The following MKNK2 variants were observed in gnomAD, a reference collection of about 807,000 sequenced individuals.
MKNK2 encodes the protein MAPK interacting serine/threonine kinase 2.
Under a neutral mutation model 55.0 loss-of-function variants are expected in MKNK2, and 54 were observed. That is an observed-to-expected ratio of 0.98 (90% confidence interval 0.79 to 1.23). The LOEUF is 1.23. Ranked by LOEUF, MKNK2 falls within the 50% of genes most tolerant of loss-of-function variation. The pLI, the probability that MKNK2 is intolerant of heterozygous loss-of-function variation, is 0.00. For missense variants in MKNK2, 685 were observed against 632.1 expected, an observed-to-expected ratio of 1.08 and a Z score of -0.90; for synonymous variants, 323 against 256.0, an observed-to-expected ratio of 1.26 and a Z score of -2.50.
chr19:2,050,126 C>G (rs578203727), intron 2 of MKNK2, among the ~76,000 whole-genome samples: 20 of 152,324 alleles, frequency 1.3e-4, no homozygotes, highest in African/African-American at 4.6e-4. Context: ...CCCCTTCCCC[C>G]CCAAGATTTG....
At position 2,037,783 on chromosome 19, in the gene MKNK2, C is replaced by A. The variant is rs544764852; in HGVS notation, c.*1830G>T. ...GTTCTGACCAGTCCTCCAGGTCGCA[C>A]GTGGATGCGACAGGGGTGGGGAGGG... On this transcript the variant is annotated 3_prime_UTR_variant, in exon 14 of 14. Coordinates refer to ENST00000250896, the MANE Select transcript of MKNK2 (RefSeq NM_199054.3). 6.2e-6 allele frequency: 10 copies of A among 1,604,450 alleles called. No homozygotes were observed. In the East Asian group the frequency reaches 1.8e-4, roughly 29 times the overall value.
At chr19:2,041,404 G>A (rs1368492434) in intron 11 of MKNK2, among the ~76,000 whole-genome samples, 200 bp from the exon 12 acceptor site, 1 of 152,086 alleles carries the variant, frequency 6.6e-6, no homozygotes, top group Non-Finnish European at 1.5e-5. Flanking sequence ...AAGCAGCTCT[G>A]AGGGACCTGG....
intron 11 of MKNK2, among the ~76,000 whole-genome samples, chr19:2,041,601 A>T (rs948073174): frequency 2.0e-5 from 3 of 152,004 alleles, no homozygotes; most frequent in Non-Finnish European, 4.4e-5. Flanking sequence ...TGCCCTGTGG[A>T]TGGCATCAGG....
In MKNK2 at chr19:2,038,717, C is replaced by A; in HGVS notation, c.*896G>T. The A allele has an allele frequency of 1.0e-6, 1 of 985,556 alleles. No individual in the cohort carries two copies. Among genetic ancestry groups the A allele is most frequent in the Non-Finnish European group, 1.2e-6 (1 of 829,982 alleles). 61.1% of individuals were successfully genotyped at this position (985,556 alleles called of 1,614,324 possible). A position where few individuals can be genotyped will look rare whatever the true frequency, so the allele number is the denominator to read the frequency against. ...GGTCAGACTGAGCCCTGAGAAGGGG[C>A]ACTCGGGTGCCCCAAGGGGGTGTCT... On this transcript the variant is annotated 3_prime_UTR_variant, in exon 14 of 14. Transcript: ENST00000250896.
intron 13 of MKNK2, 92 bp from the exon 14 acceptor site, chr19:2,039,948 G>A: frequency 1.4e-6 from 2 of 1,458,328 alleles, no homozygotes; most frequent in Non-Finnish European, 9.3e-7. Context: ...GGGGCTTCAT[G>A]CCCCCCTCCC....
rs142068002 is a variant in MKNK2, at chr19:2,043,129, C to G, written c.488G>C (p.Arg163Pro). 2.5e-6 allele frequency: 4 copies of G among 1,613,310 alleles called. No individual in the cohort carries two copies. In the Admixed American group the frequency reaches 5.0e-5, roughly 20 times the overall value. Reference protein sequence around the residue: ...DRFYLVFEKMRGGSILSHIHK... With the variant: ...DRFYLVFEKMPGGSILSHIHK... ...AGCCTGGAGCCCCCAGGTACCTCCC[C>G]GCATCTTCTCAAACACCAGGTAGAA... is the stretch of plus-strand genomic sequence containing the variant. The change falls in exon 7 of 14, where the codon CGG becomes CCG. Residue 163 changes from arginine to proline, a missense_variant. Coordinates refer to ENST00000250896, the MANE Select transcript of MKNK2 (RefSeq NM_199054.3).
rs775208703 is a variant in MKNK2, at chr19:2,039,815, G to A, written c.1196C>T (p.Ala399Val). 4 of 1,603,564 alleles carry A rather than the reference G, an allele frequency of 2.5e-6. No homozygotes were observed. The Admixed American group carries it at 5.0e-5, about 20-fold the overall frequency. The change falls in exon 14 of 14, where the codon GCC becomes GTC. Residue 399 changes from alanine to valine, a missense_variant. By Grantham distance (64) the Ala-to-Val change is moderately conservative (BLOSUM62 0). Coordinates refer to ENST00000250896, the MANE Select transcript of MKNK2 (RefSeq NM_199054.3). Reference protein sequence around the residue: ...AKDLTSFAAEAIAMNRQLAQH... With the variant: ...AKDLTSFAAEVIAMNRQLAQH... ...GGCCAGCTGCCGGTTCATGGCAATG[G>A]CCTCAGCCGCGAAGGACGTGAGGTC...
intron 12 of MKNK2, 183 bp from the exon 13 acceptor site, chr19:2,040,360 C>T: frequency 1.8e-6 from 1 of 568,230 alleles, no homozygotes; most frequent in Non-Finnish European, 3.1e-6. Context: ...GGTGAGGCTC[C>T]ATGTCCCCCT....
At chr19:2,041,259 G>A in intron 11 of MKNK2, 55 bp from the exon 12 acceptor site, 1 of 1,555,560 alleles carries the variant, frequency 6.4e-7, no homozygotes, top group South Asian at 1.2e-5. Context: ...TGGATACTGT[G>A]CACTGACACG....
chr19:2,039,890 G>T, intron 13 of MKNK2, 34 bp from the exon 14 acceptor site: 1 of 1,573,640 alleles, frequency 6.4e-7, no homozygotes, highest in Non-Finnish European at 8.6e-7. Context: ...TGGTCACCAA[G>T]AGGCACCCCT....
Position 2,050,925 on chromosome 19 carries a change from G to C in MKNK2, c.-74C>G. The C allele has an allele frequency of 2.7e-6, 3 of 1,112,896 alleles. No homozygotes were observed. Among genetic ancestry groups the C allele is most frequent in the South Asian group, 1.5e-5 (1 of 64,660 alleles). The allele number at this position is 1,112,896 out of a possible 1,614,324, so 68.9% of individuals were successfully genotyped here. On this transcript the variant is annotated 5_prime_UTR_variant, in exon 2 of 14. Transcript: ENST00000250896. ...GAGGCCCGAGGGCGGGCGGCCGGGC[G>C]GGGGGCGGCCGAGGAGGGGACCCTG... is the stretch of plus-strand genomic sequence containing the variant.
Position 2,039,205 on chromosome 19 carries a change from G to A in MKNK2, c.*408C>T, listed in dbSNP as rs1167099289. The A allele has an allele frequency of 9.7e-6, 10 of 1,035,234 alleles. No individual in the cohort carries two copies. The highest frequency in any genetic ancestry group is 9.3e-6 in the Non-Finnish European group (8 of 860,146). 64.1% of individuals were successfully genotyped at this position (1,035,234 alleles called of 1,614,324 possible). ...GGGCAGGGTCCTGTGCCCCTCCCCA[G>A]CTCTGCAAGATGGCAAACGCTGTGG... On this transcript the variant is annotated 3_prime_UTR_variant, in exon 14 of 14. Transcript: ENST00000250896.
In MKNK2 at chr19:2,040,135, T is replaced by A. The variant is rs1201741785; in HGVS notation, c.1153A>T (p.Arg385Trp). The A allele has an allele frequency of 7.5e-6, 12 of 1,591,698 alleles. No individual in the cohort carries two copies. Among genetic ancestry groups the A allele is most frequent in the Non-Finnish European group, 9.4e-6 (11 of 1,171,050 alleles). ...NTLPTPMVLQ[R>W]NSCAKDLTSF... ...CCCGAGCACCCCTGCGGGCCTTACC[T>A]CTGCAGGACCATGGGAGTGGGCAAG... Residue 385 changes from arginine to tryptophan, a missense_variant and splice_region_variant, in exon 13 of 14, where the codon AGG (arginine) becomes TGG (tryptophan). Physicochemically the swap from Arg to Trp is moderately radical, Grantham distance 101. Coordinates refer to ENST00000250896, the MANE Select transcript of MKNK2 (RefSeq NM_199054.3).
intron 2 of MKNK2, among the ~76,000 whole-genome samples, chr19:2,049,194 G>A (rs2017061147): frequency 6.6e-6 from 1 of 152,224 alleles, no homozygotes; most frequent in Admixed American, 6.5e-5. Flanking sequence ...CCCGTGTACA[G>A]GGGAGCCCCA....
chr19:2,046,550 G>A lies in MKNK2; in HGVS notation c.139+54C>T, dbSNP rs770008132. 7 of 1,553,462 alleles carry A rather than the reference G, an allele frequency of 4.5e-6. No homozygotes were observed. The South Asian group carries it at 7.1e-5, about 16-fold the overall frequency. On this transcript the variant is annotated intron_variant, in intron 3 of 13. Coordinates refer to ENST00000250896, the MANE Select transcript of MKNK2 (RefSeq NM_199054.3). ...CACCCCCCTGCAGGGGCTGGCCACT[G>A]CCATGGCAGCGACAGCAGCTGCCCT...
chr19:2,037,917 C>G lies in MKNK2; in HGVS notation c.*1696G>C, dbSNP rs998941659. ...GATGGCTATGGGCGCCTGCAGCGGG[C>G]GGGGGTCCATTTGCTTGTTCTTTGA... is the stretch of plus-strand genomic sequence containing the variant. On this transcript the variant is annotated 3_prime_UTR_variant, in exon 14 of 14. Transcript: ENST00000250896. The G allele has an allele frequency of 3.6e-6, 5 of 1,397,986 alleles. No individual in the cohort carries two copies. In the East Asian group the frequency reaches 7.6e-5, roughly 21 times the overall value. 86.6% of individuals were successfully genotyped at this position (1,397,986 alleles called of 1,614,324 possible). A position where few individuals can be genotyped will look rare whatever the true frequency, so the allele number is the denominator to read the frequency against.
chr19:2,039,844 G>A lies in MKNK2; in HGVS notation c.1167C>T (p.Ala389=), dbSNP rs756314539. The A allele has an allele frequency of 1.1e-5, 17 of 1,594,858 alleles. No individual in the cohort carries two copies. The highest frequency in any genetic ancestry group is 1.4e-5 in the Non-Finnish European group (17 of 1,173,172). ...CAGCCGCGAAGGACGTGAGGTCTTT[G>A]GCACAGCTGTTCCTGGGAAACGGGG... The part of the protein sequence containing the change: ...TPMVLQRNSC[A]KDLTSFAAEA... Residue 389 remains alanine (A), a synonymous_variant, in exon 14 of 14, where the codon GCC becomes GCT. Transcript: ENST00000250896.
At chr19:2,049,213 C>T (rs1013372476) in intron 2 of MKNK2, among the ~76,000 whole-genome samples, 7 of 152,222 alleles carry the variant, frequency 4.6e-5, no homozygotes, top group South Asian at 2.1e-4. Context: ...CAGGCACACG[C>T]GCCTGCAGTC....
At chr19:2,043,225 A>C (rs967921570) in intron 6 of MKNK2, 28 bp from the exon 7 acceptor site, 1 of 1,570,918 alleles carries the variant, frequency 6.4e-7, no homozygotes, top group African/African-American at 1.4e-5. Flanking sequence ...GCAGGAGAGG[A>C]GCTGAGGCTT....
Sources: allele counts gnomAD v4.1 joint callset (sites outside exome capture counted in the v4.1 genomes callset), GRCh38; gene constraint gnomAD v4.1.1; transcripts MANE v1.5; gene names NCBI Gene and HGNC (gene_info 2026-07-23, HGNC 2026-07-21).